The following PLCH1 variants were observed in gnomAD, a reference collection of about 807,000 sequenced individuals.
The protein encoded by PLCH1 is phospholipase C eta 1.
PLCH1 carries 60 observed loss-of-function variants against 126.7 expected under a neutral mutation model. The observed-to-expected ratio is 0.47, with a 90% CI of 0.38 to 0.59. PLCH1 has a LOEUF of 0.59. PLCH1 is among the 20% of genes least tolerant of loss of function. The probability of loss-of-function intolerance (pLI) is 0.00; values close to 1 mark genes in which losing one functional copy is unlikely to be tolerated. For synonymous variants in PLCH1, 719 were observed against 734.9 expected (o/e 0.98, Z 0.35); for missense variants, 1,723 against 2,040.0 (o/e 0.84, Z 2.99).
At chr3:155,511,850 C>G (rs1331172122) in intron 12 of PLCH1, among the ~76,000 whole-genome samples, 1 of 151,950 alleles carries the variant, frequency 6.6e-6, no homozygotes, top group Non-Finnish European at 1.5e-5. Context: ...CAGAGGCAGG[C>G]AGGCCTCCTT....
At chr3:155,702,029 G>A (rs554708819) in intron 2 of PLCH1, among the ~76,000 whole-genome samples, 49 of 152,186 alleles carry the variant, frequency 3.2e-4, no homozygotes, top group Non-Finnish European at 5.6e-4. Flanking sequence ...AAATCCTTTC[G>A]AAAGAGTAAT....
intron 2 of PLCH1, among the ~76,000 whole-genome samples, chr3:155,618,858 A>G (rs1736113246): frequency 6.6e-6 from 1 of 152,156 alleles, no homozygotes; most frequent in African/African-American, 2.4e-5. Context: ...CCATTACCCA[A>G]GATAACCATT....
In PLCH1 at chr3:155,501,250, C is replaced by A. The variant is rs552460670; in HGVS notation, c.1705-456G>T. On this transcript the variant is annotated intron_variant, in intron 13 of 22. Coordinates refer to ENST00000460012, the MANE Select transcript of PLCH1 (RefSeq NM_014996.4). ...AAAAAATAAATAACTACCATTTCTG[C>A]TTTTGATCAGTATGCACTCAAATGA... Among the ~76,000 whole-genome samples, 5 of 152,232 alleles carry A rather than the reference C, an allele frequency of 3.3e-5. No homozygotes were observed. The East Asian group carries it at 9.7e-4, about 29-fold the overall frequency.
intron 8 of PLCH1, among the ~76,000 whole-genome samples, chr3:155,559,065 G>A (rs1366107523): frequency 6.6e-6 from 1 of 152,078 alleles, no homozygotes; most frequent in East Asian, 1.9e-4. Flanking sequence ...ATCCTTATAT[G>A]ACATGACAGC....
chr3:155,601,637 T>G (rs1373936347), intron 2 of PLCH1, among the ~76,000 whole-genome samples: 1 of 152,188 alleles, frequency 6.6e-6, no homozygotes, highest in Admixed American at 6.5e-5. Flanking sequence ...TCCAATTATG[T>G]TTGAATCAGA....
chr3:155,532,268 G>A (rs1021709219), intron 10 of PLCH1, among the ~76,000 whole-genome samples: 1 of 152,168 alleles, frequency 6.6e-6, no homozygotes, highest in African/African-American at 2.4e-5. Flanking sequence ...ACTACTGCAG[G>A]AACATACCAG....
chr3:155,535,408 C>T (rs1252392037), intron 10 of PLCH1, among the ~76,000 whole-genome samples: 2 of 152,164 alleles, frequency 1.3e-5, no homozygotes, highest in East Asian at 3.9e-4. Flanking sequence ...AAGATCTCAG[C>T]CCTACTCATG....
chr3:155,672,811 CA>C (rs910017865), intron 2 of PLCH1, among the ~76,000 whole-genome samples: 5 of 152,164 alleles, frequency 3.3e-5, no homozygotes, highest in Non-Finnish European at 7.4e-5. Context: ...CAGCTTTGAT[CA>C]GGGGCAAAGG....
chr3:155,705,452 C>T lies in PLCH1; in HGVS notation c.-40-1188G>A, dbSNP rs139182401. On this transcript the variant is annotated intron_variant, in intron 1 of 22. Coordinates refer to ENST00000460012, the MANE Select transcript of PLCH1 (RefSeq NM_014996.4). ...TGACTGCTTATCCTACTCCCTAAGGCTGAGGGAGTCTTACTACTGTATGGA... is the reference window on the plus strand; with the variant it reads ...TGACTGCTTATCCTACTCCCTAAGGTTGAGGGAGTCTTACTACTGTATGGA... Among the ~76,000 whole-genome samples, 511 of 152,244 alleles carry T rather than the reference C, an allele frequency of 3.4e-3. 3 individuals carry two copies. The highest frequency in any genetic ancestry group is 6.8e-3 in the Middle Eastern group (2 of 294).
intron 12 of PLCH1, among the ~76,000 whole-genome samples, chr3:155,513,676 A>C (rs1719918974): frequency 6.6e-6 from 1 of 152,206 alleles, no homozygotes; most frequent in African/African-American, 2.4e-5. Flanking sequence ...TTACATGGTA[A>C]ACTATAAGGG....
chr3:155,481,102 G>T lies in PLCH1; in HGVS notation c.4924C>A (p.Arg1642=). The change falls in exon 23 of 23, where the codon CGG becomes AGG. Residue 1642 remains arginine (R), a synonymous_variant. Coordinates refer to ENST00000460012, the MANE Select transcript of PLCH1 (RefSeq NM_014996.4). This position sits in a 1 kb window ranked among gnomAD's most constrained non-coding sequence, Gnocchi z 4.2. ...KNTKGGGLEG[R]GIPEGACTAL... is the part of the protein sequence containing the mutation. ...GTGCATGCCCCCTCTGGGATGCCCCGGCCTTCAAGGCCACCCCCTTTCGTG... is the reference window on the plus strand; with the variant it reads ...GTGCATGCCCCCTCTGGGATGCCCCTGCCTTCAAGGCCACCCCCTTTCGTG... The T allele has an allele frequency of 6.2e-7, 1 of 1,614,188 alleles. No homozygotes were observed. Among genetic ancestry groups the T allele is most frequent in the Non-Finnish European group, 8.5e-7 (1 of 1,180,010 alleles).
At chr3:155,539,341 G>C (rs189271103) in intron 10 of PLCH1, among the ~76,000 whole-genome samples, 120 of 152,242 alleles carry the variant, frequency 7.9e-4, no homozygotes, top group Middle Eastern at 3.4e-3. Flanking sequence ...CTGAGAACTA[G>C]AACAAGACAA....
chr3:155,473,253 A>C (rs1332844805), intron 21 of PLCH1, among the ~76,000 whole-genome samples: 1 of 150,992 alleles, frequency 6.6e-6, no homozygotes, highest in South Asian at 2.1e-4. Flanking sequence ...AAATCAATGT[A>C]CAAAAATCAC....
intron 1 of PLCH1, among the ~76,000 whole-genome samples, chr3:155,727,177 C>T (rs1748398542): frequency 6.6e-6 from 1 of 151,658 alleles, no homozygotes; most frequent in African/African-American, 2.4e-5. Context: ...ATAAAATGAG[C>T]TTGGTTAGTC....
chr3:155,516,594 A>C (rs1256240572), intron 11 of PLCH1, among the ~76,000 whole-genome samples: 2 of 152,086 alleles, frequency 1.3e-5, no homozygotes, highest in Admixed American at 1.3e-4. Flanking sequence ...GCAACTCTAG[A>C]AACAGTATTA....
chr3:155,740,157 T>A (rs574272725), intron 1 of PLCH1, among the ~76,000 whole-genome samples: 1 of 152,266 alleles, frequency 6.6e-6, no homozygotes, highest in Admixed American at 6.5e-5. Flanking sequence ...AGGCCTGTAA[T>A]CCCAGCACTT....
chr3:155,596,531 A>G (rs537978372), intron 2 of PLCH1, among the ~76,000 whole-genome samples, 153 bp from the exon 3 acceptor site: 1 of 151,892 alleles, frequency 6.6e-6, no homozygotes, highest in Non-Finnish European at 1.5e-5. Context: ...GTGAGTTGTT[A>G]AGGAATTGAT....
rs999931803 is a variant in PLCH1, at chr3:155,532,577, T to C, written c.1363-8573A>G. Among the ~76,000 whole-genome samples the C allele has an allele frequency of 2.0e-5, 3 of 152,208 alleles. 1 individual carries two copies. The highest frequency in any genetic ancestry group is 4.4e-5 in the Non-Finnish European group (3 of 68,038). ...CCCATGCTGTTTTTGTGATAGTGAA[T>C]GAGTTCTCACAGGATCTGATGACTT... On this transcript the variant is annotated intron_variant, in intron 10 of 22. Coordinates refer to ENST00000460012, the MANE Select transcript of PLCH1 (RefSeq NM_014996.4).
chr3:155,627,105 C>T (rs573201308), intron 2 of PLCH1, among the ~76,000 whole-genome samples: 20 of 152,160 alleles, frequency 1.3e-4, no homozygotes, highest in South Asian at 1.2e-3. Context: ...TGTTAAAAAG[C>T]CATTGTGGAT....
Sources: gnomAD v4.1 joint callset for allele counts (sites outside exome capture counted in the v4.1 genomes callset) on GRCh38, gnomAD v4.1.1 for gene constraint, Gnocchi (gnomAD v3.1) non-coding constraint, MANE v1.5 for transcripts, NCBI Gene and HGNC (gene_info 2026-07-23, HGNC 2026-07-21) for gene names.